Variants in NCOA2 observed in about 807,000 individuals in gnomAD.
NCOA2 encodes the protein nuclear receptor coactivator 2, also known as class E basic helix-loop-helix protein 75.
A neutral mutation model predicts 145.1 loss-of-function variants in NCOA2; 21 were observed. That is an observed-to-expected ratio of 0.14 (90% CI 0.10 to 0.21). The LOEUF is 0.21. Among genes scored for constraint, NCOA2 ranks in the 10% least tolerant of loss-of-function variants. NCOA2 has a pLI of 1.00. For missense variants in NCOA2, 1,472 were observed against 1,837.6 expected, an observed-to-expected ratio of 0.80 and a Z score of 3.64; for synonymous variants, 619 against 637.5, an observed-to-expected ratio of 0.97 and a Z score of 0.44.
chr8:70,368,557 A>G (rs546261514), intron 1 of NCOA2, among the ~76,000 whole-genome samples: 4 of 152,370 alleles, frequency 2.6e-5, no homozygotes, highest in South Asian at 2.1e-4. Flanking sequence ...CTCGTTATCT[A>G]TATCAATGAA....
chr8:70,169,783 C>A (rs1465802913), intron 6 of NCOA2, among the ~76,000 whole-genome samples: 1 of 152,038 alleles, frequency 6.6e-6, no homozygotes, highest in Non-Finnish European at 1.5e-5. Context: ...AAAAATACAA[C>A]AATCTTAATG....
At chr8:70,170,403 GT>G in intron 5 of NCOA2, 24 bp from the exon 6 acceptor site, 1 of 1,534,404 alleles carries the variant, frequency 6.5e-7, no homozygotes, top group East Asian at 2.4e-5. Context: ...TACAAATTGT[GT>G]TAGAAAGGAT....
chr8:70,372,039 A>G (rs890710961), intron 1 of NCOA2, among the ~76,000 whole-genome samples: 5 of 152,172 alleles, frequency 3.3e-5, no homozygotes, highest in Non-Finnish European at 5.9e-5. Context: ...TAGGCTAAAA[A>G]TCATATTAAC....
At chr8:70,301,432 T>A (rs571881157) in intron 1 of NCOA2, among the ~76,000 whole-genome samples, 39 of 151,944 alleles carry the variant, frequency 2.6e-4, no homozygotes, top group African/African-American at 8.9e-4. Flanking sequence ...AGCAGGCATA[T>A]CACTTGAGCC....
intron 4 of NCOA2, among the ~76,000 whole-genome samples, chr8:70,194,158 T>G (rs1817002411): frequency 6.6e-6 from 1 of 152,202 alleles, no homozygotes; most frequent in Admixed American, 6.5e-5. Context: ...ACAACAGAAA[T>G]GAGAAACATA....
At chr8:70,305,418 T>A in intron 1 of NCOA2, among the ~76,000 whole-genome samples, 1 of 152,152 alleles carries the variant, frequency 6.6e-6, no homozygotes, top group Non-Finnish European at 1.5e-5. Context: ...AAAGAGAACA[T>A]TAATTTTTTA....
At chr8:70,154,548 G>T (rs1443281040) in intron 11 of NCOA2, among the ~76,000 whole-genome samples, 1 of 152,130 alleles carries the variant, frequency 6.6e-6, no homozygotes, top group Admixed American at 6.5e-5. Flanking sequence ...GAGACTACAG[G>T]TGCATGCCAC....
rs73289215 is a variant in NCOA2 at position 70,195,228 on chromosome 8, A to C, written c.259+18675T>G. On this transcript the variant is annotated intron_variant, in intron 4 of 22. Coordinates refer to ENST00000452400, the MANE Select transcript of NCOA2 (RefSeq NM_006540.4). ...TGACAGACTTTGCTAGTACATAAGG[A>C]TGGATCTGCATTTTGTAGGGCCTGG... 4.2e-3 allele frequency among the ~76,000 whole-genome samples: 643 copies of C among 152,288 alleles called. 6 individuals carry two copies. The highest frequency in any genetic ancestry group is 0.015 in the African/African-American group (613 of 41,550).
intron 1 of NCOA2, among the ~76,000 whole-genome samples, chr8:70,380,575 C>T (rs560866118): frequency 2.0e-5 from 3 of 152,222 alleles, no homozygotes; most frequent in African/African-American, 7.2e-5. Flanking sequence ...GAGCTTAGAA[C>T]TGTGTGTGTT....
At chr8:70,416,197 T>TTG in the NCOA2 span, among the ~76,000 whole-genome samples, 1 of 141,496 alleles carries the variant, frequency 7.1e-6, no homozygotes, top group Non-Finnish European at 1.5e-5. Context: ...GTTTTTTTGT[T>TTG]TTTTTTTTTT....
chr8:70,417,245 T>TGAAAAAAAAAAA, the NCOA2 span, among the ~76,000 whole-genome samples: 1 of 78,044 alleles, frequency 1.3e-5, no homozygotes, highest in Non-Finnish European at 2.1e-5. Context: ...TCGTCTCTAT[T>TGAAAAAAAAAAA]AAAAAAAAAA....
the NCOA2 span, among the ~76,000 whole-genome samples, chr8:70,423,653 C>A: frequency 5.3e-5 from 8 of 152,144 alleles, no homozygotes; most frequent in Admixed American, 5.2e-4. Flanking sequence ...AAGGCTGACT[C>A]CACACAAGGC....
At chr8:70,291,810 A>G (rs1826702485) in intron 2 of NCOA2, among the ~76,000 whole-genome samples, 1 of 152,176 alleles carries the variant, frequency 6.6e-6, no homozygotes, top group Non-Finnish European at 1.5e-5. Context: ...ACTTTGAATA[A>G]GTTGGCCGGG....
Position 70,159,524 on chromosome 8 carries a change from A to G in NCOA2, c.1105T>C (p.Ser369Pro). ...QTTNEPQLVI[S>P]LHMLHREQNV... is the part of the protein sequence containing the mutation. The stretch of plus-strand genomic sequence containing the variant: ...GATTACCTGTGAAGCATATGTAAAG[A>G]TATTACAAGTTGAGGTTCATTAGTA... The change falls in exon 10 of 23, where the codon TCT (serine) becomes CCT (proline). Residue 369 changes from serine to proline, a missense_variant. By Grantham distance (74) the Ser-to-Pro change is moderately conservative. Coordinates refer to ENST00000452400, the MANE Select transcript of NCOA2 (RefSeq NM_006540.4). 6.2e-7 allele frequency: 1 copy of G among 1,610,044 alleles called. No homozygotes were observed. The highest frequency in any genetic ancestry group is 8.5e-7 in the Non-Finnish European group (1 of 1,176,646).
At chr8:70,423,106 A>G in the NCOA2 span, among the ~76,000 whole-genome samples, 4 of 152,246 alleles carry the variant, frequency 2.6e-5, no homozygotes, top group African/African-American at 9.6e-5. Context: ...CATCTCCACT[A>G]TACTCTTTCC....
intron 4 of NCOA2, among the ~76,000 whole-genome samples, chr8:70,192,890 A>G (rs549406315): frequency 6.6e-6 from 1 of 152,112 alleles, no homozygotes; most frequent in South Asian, 2.1e-4. Context: ...AACATGGTGA[A>G]AACTCATCAC....
intron 2 of NCOA2, among the ~76,000 whole-genome samples, chr8:70,246,460 C>A (rs1586238177): frequency 6.6e-6 from 1 of 152,060 alleles, no homozygotes; most frequent in Non-Finnish European, 1.5e-5. Context: ...AATCTGAAGT[C>A]AACAGAAATT....
chr8:70,438,550 A>G, the NCOA2 span, among the ~76,000 whole-genome samples: 11 of 152,270 alleles, frequency 7.2e-5, no homozygotes, highest in East Asian at 1.9e-4. Context: ...TCCATTATGC[A>G]ATGCTATTTA....
intron 2 of NCOA2, among the ~76,000 whole-genome samples, chr8:70,294,105 C>T (rs761810509): frequency 6.6e-6 from 1 of 152,090 alleles, no homozygotes; most frequent in Non-Finnish European, 1.5e-5. Flanking sequence ...ATGTCCTACT[C>T]AGCTTTGAAA....
Sources: allele counts gnomAD v4.1 joint callset (sites outside exome capture counted in the v4.1 genomes callset), GRCh38; gene constraint gnomAD v4.1.1; transcripts MANE v1.5; gene names NCBI Gene and HGNC (gene_info 2026-07-23, HGNC 2026-07-21).